PRKCB: variants seen among roughly 807,000 people sequenced by gnomAD.
PRKCB encodes the protein protein kinase C beta type.
A neutral mutation model predicts 81.5 loss-of-function variants in PRKCB; 13 were observed. The observed-to-expected ratio is 0.16, with a 90% CI of 0.10 to 0.25. PRKCB has a LOEUF of 0.25. Ranked by LOEUF, PRKCB falls within the 10% of genes least tolerant of loss-of-function variation. PRKCB has a pLI of 1.00. For missense variants in PRKCB, 509 were observed against 875.7 expected, an observed-to-expected ratio of 0.58 and a Z score of 5.29; for synonymous variants, 335 against 321.4, an observed-to-expected ratio of 1.04 and a Z score of -0.45.
chr16:23,844,728 C>T (rs922399948), intron 2 of PRKCB, among the ~76,000 whole-genome samples: 10 of 150,766 alleles, frequency 6.6e-5, no homozygotes, highest in Non-Finnish European at 1.5e-4. Context: ...AGGATGGTAT[C>T]GATCTCCTGA....
chr16:23,955,857 T>G (rs956836584), intron 2 of PRKCB, among the ~76,000 whole-genome samples: 4 of 152,196 alleles, frequency 2.6e-5, no homozygotes, highest in African/African-American at 9.7e-5. Flanking sequence ...CTGCACTGAC[T>G]TTTTGTGTCA....
Position 24,113,013 on chromosome 16 carries a change from G to A in PRKCB, c.862G>A (p.Val288Met). The A allele has an allele frequency of 2.5e-6, 4 of 1,613,328 alleles. No individual in the cohort carries two copies. The highest frequency in any genetic ancestry group is 3.4e-6 in the Non-Finnish European group (4 of 1,179,556). The change falls in exon 8 of 17, where the codon GTG becomes ATG. Residue 288 changes from valine to methionine, a missense_variant. Val to Met is a conservative substitution (Grantham distance 21, BLOSUM62 1). Around this residue, in one of 6 missense-constraint regions of PRKCB, gnomAD observed 184 missense variants for 362.9 expected, o/e 0.51. Coordinates refer to ENST00000643927, the MANE Select transcript of PRKCB (RefSeq NM_002738.7). ...CCAGGAGGAAGGCGAGTACTTCAAT[G>A]TGCCTGTGCCACCAGAAGGAAGTGA... ...LSQEEGEYFNVPVPPEGSEAN... is the reference protein window; with the variant it reads ...LSQEEGEYFNMPVPPEGSEAN...
At chr16:23,883,694 G>T (rs1001623890) in intron 2 of PRKCB, among the ~76,000 whole-genome samples, 4 of 152,110 alleles carry the variant, frequency 2.6e-5, no homozygotes, top group Non-Finnish European at 5.9e-5. Context: ...GATTTGGGAG[G>T]TAAAAGGACT....
intron 2 of PRKCB, among the ~76,000 whole-genome samples, chr16:23,939,334 A>T (rs1286211487): frequency 2.6e-5 from 4 of 152,222 alleles, no homozygotes; most frequent in Non-Finnish European, 5.9e-5. Context: ...GTTTAATGTG[A>T]TTCTTATAAA....
At chr16:24,016,520 G>C (rs944080011) in intron 3 of PRKCB, among the ~76,000 whole-genome samples, 1 of 152,082 alleles carries the variant, frequency 6.6e-6, no homozygotes, top group African/African-American at 2.4e-5. Context: ...CCTTTGCCAA[G>C]AATGTCTGGT....
At chr16:23,951,226 G>A (rs367553469) in intron 2 of PRKCB, among the ~76,000 whole-genome samples, 7 of 152,284 alleles carry the variant, frequency 4.6e-5, no homozygotes, top group Middle Eastern at 3.4e-3. Flanking sequence ...CTAGACCTGC[G>A]TTCTTCCATC....
At chr16:24,066,080 T>TGG (rs1166304580) in intron 5 of PRKCB, among the ~76,000 whole-genome samples, 1 of 119,478 alleles carries the variant, frequency 8.4e-6, no homozygotes, top group African/African-American at 3.6e-5. Flanking sequence ...TGTTCCTGTG[T>TGG]GTGTGTGTGT....
At chr16:24,124,055 T>A (rs1966832994) in intron 9 of PRKCB, 74 bp downstream of exon 9, 3 of 1,555,736 alleles carry the variant, frequency 1.9e-6, no homozygotes, top group Non-Finnish European at 2.6e-6. Context: ...GCTGTTCCTA[T>A]GGGACGGACG....
At chr16:24,057,453 A>G (rs1316966655) in intron 5 of PRKCB, among the ~76,000 whole-genome samples, 1 of 152,140 alleles carries the variant, frequency 6.6e-6, no homozygotes, top group African/African-American at 2.4e-5. Flanking sequence ...CTTTCCTTTC[A>G]TACCTCATTC....
At chr16:24,114,951 G>C (rs764076331) in intron 8 of PRKCB, among the ~76,000 whole-genome samples, 10 of 152,164 alleles carry the variant, frequency 6.6e-5, no homozygotes, top group Non-Finnish European at 1.2e-4. Flanking sequence ...TAGTTTGAGA[G>C]AATGGGGAGG....
At chr16:24,011,177 T>A (rs1177915197) in intron 3 of PRKCB, among the ~76,000 whole-genome samples, 2 of 150,026 alleles carry the variant, frequency 1.3e-5, no homozygotes, top group Non-Finnish European at 3.0e-5. Flanking sequence ...CACCACTCTA[T>A]TTTTTTTTAA....
chr16:23,844,261 G>A (rs1398184595), intron 2 of PRKCB, among the ~76,000 whole-genome samples: 2 of 152,136 alleles, frequency 1.3e-5, no homozygotes, highest in Non-Finnish European at 2.9e-5. Context: ...TTGAAATTGT[G>A]TGAAATTCCA....
chr16:24,076,440 G>A (rs1966178414), intron 5 of PRKCB, among the ~76,000 whole-genome samples: 1 of 152,186 alleles, frequency 6.6e-6, no homozygotes, highest in Non-Finnish European at 1.5e-5. Flanking sequence ...TCATCCTGGA[G>A]CTCAGCTTTT....
intron 16 of PRKCB, 57 bp downstream of exon 16, chr16:24,191,287 G>C: frequency 6.3e-7 from 1 of 1,598,798 alleles, no homozygotes; most frequent in Non-Finnish European, 8.6e-7. Context: ...ATTCTTGCCT[G>C]TGCCTCATGT....
chr16:23,896,140 C>T (rs1454531801), intron 2 of PRKCB, among the ~76,000 whole-genome samples: 1 of 151,198 alleles, frequency 6.6e-6, no homozygotes. Context: ...TCCCAATCCA[C>T]TTTCCTGCCT....
rs1968276864 is a variant in PRKCB, at chr16:24,218,989, A to G, written c.*4173A>G. 1.0e-6 allele frequency: 1 copy of G among 985,220 alleles called. No individual in the cohort carries two copies. Among genetic ancestry groups the G allele is most frequent in the Non-Finnish European group, 1.2e-6 (1 of 829,916 alleles). The allele number at this position is 985,220 out of a possible 1,614,324, so 61.0% of individuals were successfully genotyped here. On this transcript the variant is annotated 3_prime_UTR_variant, in exon 17 of 17. Transcript: ENST00000643927. ...GTGCCTCGGTTCTCTCATATGTCAT[A>G]TATAGGAGGTGAGGACTCCAGCTCC...
At chr16:24,004,072 A>G (rs1388813814) in intron 3 of PRKCB, among the ~76,000 whole-genome samples, 1 of 152,208 alleles carries the variant, frequency 6.6e-6, no homozygotes, top group Non-Finnish European at 1.5e-5. Flanking sequence ...AAAGAAAATT[A>G]TGATCAATAT....
intron 16 of PRKCB, among the ~76,000 whole-genome samples, chr16:24,209,225 C>T (rs1418743431): frequency 2.0e-5 from 3 of 152,134 alleles, no homozygotes; most frequent in South Asian, 2.1e-4. Flanking sequence ...AAGAAAAACA[C>T]GCACGGGTCT....
intron 2 of PRKCB, 144 bp downstream of exon 2, chr16:23,837,550 A>C (rs1962187572): frequency 9.5e-7 from 1 of 1,052,544 alleles, no homozygotes; most frequent in Non-Finnish European, 1.4e-6. Flanking sequence ...TCACCACAAC[A>C]GGGTCCTTTC....
Sources: allele counts gnomAD v4.1 joint callset (sites outside exome capture counted in the v4.1 genomes callset), GRCh38; gene constraint gnomAD v4.1.1; regional missense constraint gnomAD v4.1.1; transcripts MANE v1.5; gene names NCBI Gene and HGNC (gene_info 2026-07-23, HGNC 2026-07-21).